Variants in ENG observed in about 807,000 individuals in gnomAD.
ENG encodes the protein endoglin.
A neutral mutation model predicts 71.0 loss-of-function variants in ENG; 17 were observed. The ratio of observed to expected loss-of-function variants is 0.24; its 90% CI spans 0.16 to 0.36. The LOEUF is 0.36. Ranked by LOEUF, ENG falls within the 10% of genes least tolerant of loss-of-function variation. The pLI is 1.00. For synonymous variants in ENG, 360 were observed against 366.9 expected (o/e 0.98, Z 0.21); for missense variants, 749 against 868.3 (o/e 0.86, Z 1.73).
At position 127,819,712 on chromosome 9, in the gene ENG, G is replaced by A. The variant is rs902913383; in HGVS notation, c.1273-52C>T. 5.7e-6 allele frequency: 9 copies of A among 1,588,364 alleles called. No homozygotes were observed. In the African/African-American group the frequency reaches 8.1e-5, roughly 14 times the overall value. On this transcript the variant is annotated intron_variant, in intron 9 of 14. Transcript: ENST00000373203. ...TCAGAGCCAGAAAGGACCCCAGAGG[G>A]TATCCCACCCAATACGCCCATTTTT...
chr9:127,833,298 G>A (rs960970189), intron 2 of ENG, among the ~76,000 whole-genome samples: 3 of 152,050 alleles, frequency 2.0e-5, no homozygotes, highest in African/African-American at 4.8e-5. Flanking sequence ...GAGGTGAGCC[G>A]ATCACCTGAG....
intron 2 of ENG, among the ~76,000 whole-genome samples, chr9:127,837,878 A>C (rs1346141167): frequency 6.6e-6 from 1 of 151,352 alleles, no homozygotes; most frequent in Non-Finnish European, 1.5e-5. Flanking sequence ...GTAAGAGGGC[A>C]GGCACAATCC....
At chr9:127,843,745 A>ATT in intron 1 of ENG, among the ~76,000 whole-genome samples, 1 of 12,404 alleles carries the variant, frequency 8.1e-5, no homozygotes, top group East Asian at 6.7e-4. Context: ...ACATATATAT[A>ATT]TATATATATA....
At chr9:127,819,286 G>A (rs528786879) in intron 10 of ENG, 384 of 357,416 alleles carry the variant, frequency 1.1e-3, no homozygotes, top group Non-Finnish European at 1.6e-3. Context: ...CCAGCTGCCA[G>A]GCTGTGTGAA....
chr9:127,854,566 C>T lies in ENG; in HGVS notation c.-211G>A. 3.5e-6 allele frequency: 2 copies of T among 574,514 alleles called. No homozygotes were observed. Among genetic ancestry groups the T allele is most frequent in the Non-Finnish European group, 6.1e-6 (2 of 325,784 alleles). 35.6% of individuals were successfully genotyped at this position (574,514 alleles called of 1,614,324 possible). On this transcript the variant is annotated 5_prime_UTR_variant, in exon 1 of 15. Transcript: ENST00000373203. ...CGCGGGGCTGGGCTGGAGTTGCTGT[C>T]CGAAGGATGGGCGGGGAGGGGGTGC...
At chr9:127,839,046 G>A (rs1285345142) in intron 2 of ENG, among the ~76,000 whole-genome samples, 1 of 152,178 alleles carries the variant, frequency 6.6e-6, no homozygotes. Context: ...CCAGCCCCAT[G>A]CCGCTAGGCC....
intron 8 of ENG, among the ~76,000 whole-genome samples, chr9:127,822,919 C>T (rs573870715): frequency 2.6e-5 from 4 of 152,272 alleles, no homozygotes; most frequent in African/African-American, 9.6e-5. Context: ...CAGCTCACTG[C>T]AATCTCCCTC....
chr9:127,837,091 T>C (rs561704289), intron 2 of ENG, among the ~76,000 whole-genome samples: 1 of 152,302 alleles, frequency 6.6e-6, no homozygotes, highest in East Asian at 1.9e-4. Context: ...CCTGGCCTGG[T>C]TGGCTTTTTA....
intron 8 of ENG, 131 bp downstream of exon 8, chr9:127,824,173 G>C: frequency 7.7e-7 from 1 of 1,301,902 alleles, no homozygotes; most frequent in Non-Finnish European, 1.1e-6. Context: ...CATTATACAA[G>C]TGGGAAAACT....
In ENG at chr9:127,825,638, CA is replaced by C. The variant is rs1830593389; in HGVS notation, c.689+56del. ...GGACCGGAGAGGGGGCGGGGGGGGT[CA>C]GGGGGGTGGTCTCTCGGGGTGGGGA... On this transcript the variant is annotated intron_variant, in intron 5 of 14. Coordinates refer to ENST00000373203, the MANE Select transcript of ENG (RefSeq NM_001114753.3). 4.2e-5 allele frequency: 46 copies of C among 1,107,780 alleles called. No homozygotes were observed. In the Admixed American group the frequency reaches 6.9e-4, roughly 17 times the overall value. The allele number at this position is 1,107,780 out of a possible 1,614,324, so 68.6% of individuals were successfully genotyped here. A position where few individuals can be genotyped will look rare whatever the true frequency, so the allele number is the denominator to read the frequency against.
At chr9:127,817,827 T>G in intron 12 of ENG, 1 of 535,708 alleles carries the variant, frequency 1.9e-6, no homozygotes, top group Non-Finnish European at 3.4e-6. Context: ...GATTCCTGGG[T>G]GGGAGGGTGG....
chr9:127,819,857 C>T (rs752294256), intron 9 of ENG, 43 bp downstream of exon 9: 19 of 1,614,108 alleles, frequency 1.2e-5, no homozygotes, highest in Non-Finnish European at 1.6e-5. Flanking sequence ...TGAGGGGGCA[C>T]CAACCAGGCT....
intron 2 of ENG, 51 bp downstream of exon 2, chr9:127,843,043 G>T (rs1342803732): frequency 1.7e-5 from 27 of 1,612,352 alleles, no homozygotes; most frequent in Non-Finnish European, 2.3e-5. Flanking sequence ...CACCCCATCT[G>T]CCTTGGAGCT....
rs1831162176 is a variant in ENG, at chr9:127,846,057, T to C, written c.68-2812A>G. 6.6e-6 allele frequency among the ~76,000 whole-genome samples: 1 copy of C among 152,190 alleles called. No individual in the cohort carries two copies. On this transcript the variant is annotated intron_variant, in intron 1 of 14. Coordinates refer to ENST00000373203, the MANE Select transcript of ENG (RefSeq NM_001114753.3). The surrounding 1 kb of genome is among the most constrained non-coding windows in gnomAD (Gnocchi z 5.5). ...TCTTAATTACAATTATTTGACTGAC[T>C]TCAGTCACTGTAGAATTGACTGTTC...
At chr9:127,849,175 T>C (rs1027042797) in intron 1 of ENG, among the ~76,000 whole-genome samples, 5 of 152,198 alleles carry the variant, frequency 3.3e-5, no homozygotes. Flanking sequence ...TAGCTTAGAC[T>C]GTGCGGTCCA....
chr9:127,853,954 G>C (rs1829089846), intron 1 of ENG, among the ~76,000 whole-genome samples: 1 of 152,180 alleles, frequency 6.6e-6, no homozygotes, highest in Admixed American at 6.5e-5. Flanking sequence ...GGAAACTCAA[G>C]GCCCAGAGAG....
intron 2 of ENG, among the ~76,000 whole-genome samples, chr9:127,839,910 C>G (rs1407186651): frequency 6.6e-6 from 1 of 152,046 alleles, no homozygotes; most frequent in Non-Finnish European, 1.5e-5. Context: ...TCAACTGATA[C>G]GAAGACATTC....
At chr9:127,839,870 TG>T (rs1415842678) in intron 2 of ENG, among the ~76,000 whole-genome samples, 1 of 152,162 alleles carries the variant, frequency 6.6e-6, no homozygotes, top group African/African-American at 2.4e-5. Flanking sequence ...CCATTGATCT[TG>T]TAGCAATAAC....
At chr9:127,842,095 G>GGTCTCCTGGGGAGAATC (rs557169147) in intron 2 of ENG, among the ~76,000 whole-genome samples, 1 of 152,184 alleles carries the variant, frequency 6.6e-6, no homozygotes, top group Non-Finnish European at 1.5e-5. Context: ...TGGGAGTGGG[G>GGTCTCCTGGGGAGAATC]GTCTCCTGGG....
Sources: allele counts gnomAD v4.1 joint callset (sites outside exome capture counted in the v4.1 genomes callset), GRCh38; gene constraint gnomAD v4.1.1; non-coding constraint Gnocchi (gnomAD v3.1); transcripts MANE v1.5; gene names NCBI Gene and HGNC (gene_info 2026-07-23, HGNC 2026-07-21).